Variants in EPHA6 observed in about 807,000 individuals in gnomAD.
EPHA6 encodes EPH receptor A6.
A neutral mutation model predicts 112.0 loss-of-function variants in EPHA6; 50 were observed. The ratio of observed to expected loss-of-function variants is 0.45; its 90% confidence interval spans 0.36 to 0.56. EPHA6 has a LOEUF of 0.56. EPHA6 is among the 20% of genes least tolerant of loss of function. EPHA6 has a pLI of 0.00. For missense variants in EPHA6, 1,280 were observed against 1,417.4 expected (o/e 0.90, Z 1.56); for synonymous variants, 529 against 490.7 (o/e 1.08, Z -1.03).
intron 3 of EPHA6, among the ~76,000 whole-genome samples, chr3:97,005,172 TG>T (rs1419511053): frequency 2.0e-5 from 3 of 152,228 alleles, no homozygotes; most frequent in African/African-American, 7.2e-5. Flanking sequence ...GGTAGTCTGA[TG>T]GGAATAGCAT....
intron 3 of EPHA6, among the ~76,000 whole-genome samples, chr3:97,018,172 G>C (rs569703984): frequency 1.7e-4 from 26 of 151,780 alleles, no homozygotes; most frequent in Non-Finnish European, 2.6e-4. Context: ...AAATTTACCT[G>C]ATAGAATTCT....
intron 2 of EPHA6, among the ~76,000 whole-genome samples, chr3:96,870,199 T>C (rs1287816683): frequency 6.6e-6 from 1 of 151,996 alleles, no homozygotes; most frequent in East Asian, 1.9e-4. Context: ...GCTCACATGA[T>C]TATGGAGGAC....
chr3:97,651,923 A>G (rs1360086236), intron 14 of EPHA6, among the ~76,000 whole-genome samples: 1 of 151,952 alleles, frequency 6.6e-6, no homozygotes, highest in Non-Finnish European at 1.5e-5. Flanking sequence ...CACTAGTGTC[A>G]CTAAAGTTTG....
At chr3:97,685,770 C>A (rs552939375) in intron 14 of EPHA6, among the ~76,000 whole-genome samples, 1 of 152,082 alleles carries the variant, frequency 6.6e-6, no homozygotes, top group Non-Finnish European at 1.5e-5. Flanking sequence ...TTGTAAACGG[C>A]GAACGATGAT....
At chr3:97,179,176 T>C (rs2076916605) in intron 3 of EPHA6, among the ~76,000 whole-genome samples, 1 of 152,070 alleles carries the variant, frequency 6.6e-6, no homozygotes, top group South Asian at 2.1e-4. Flanking sequence ...AACACATTCT[T>C]CAGTATACCA....
chr3:97,125,809 C>T (rs979618334), intron 3 of EPHA6, among the ~76,000 whole-genome samples: 3 of 152,162 alleles, frequency 2.0e-5, no homozygotes, highest in African/African-American at 7.2e-5. Flanking sequence ...CTTAAACACA[C>T]ACAACACTCC....
At chr3:97,488,052 C>T (rs2091742110) in intron 10 of EPHA6, among the ~76,000 whole-genome samples, 1 of 152,188 alleles carries the variant, frequency 6.6e-6, no homozygotes, top group South Asian at 2.1e-4. Flanking sequence ...ATAAGAACAA[C>T]TTGCCTGGCA....
At chr3:97,303,105 G>C (rs2081163691) in intron 5 of EPHA6, among the ~76,000 whole-genome samples, 1 of 151,810 alleles carries the variant, frequency 6.6e-6, no homozygotes, top group Admixed American at 6.6e-5. Flanking sequence ...ATTTTAAAAA[G>C]TGTTAGACAA....
chr3:97,113,658 T>C (rs1559736564), intron 3 of EPHA6, among the ~76,000 whole-genome samples: 1 of 152,108 alleles, frequency 6.6e-6, no homozygotes, highest in African/African-American at 2.4e-5. Context: ...AAAAAAAGTC[T>C]TTCTTGCCTT....
rs147144791 is a variant in EPHA6, at chr3:97,634,989, G to A, written c.2575-2884G>A. Among the ~76,000 whole-genome samples, 289 of 151,180 alleles carry A rather than the reference G, an allele frequency of 1.9e-3. 2 individuals carry two copies. The highest frequency in any genetic ancestry group is 6.5e-3 in the African/African-American group (269 of 41,188). ...GAGTGCCTGTGTCAGAGAAGAATAT[G>A]AGAATACTAGTATAGCTTGGTTTGG... On this transcript the variant is annotated intron_variant, in intron 13 of 17. Coordinates refer to ENST00000389672, the MANE Select transcript of EPHA6 (RefSeq NM_001080448.3).
intron 14 of EPHA6, among the ~76,000 whole-genome samples, chr3:97,674,591 G>T (rs956021914): frequency 6.6e-6 from 1 of 152,150 alleles, no homozygotes; most frequent in African/African-American, 2.4e-5. Flanking sequence ...GAGGAATCAG[G>T]ACAATTCAAT....
chr3:97,323,767 C>T (rs973242708), intron 5 of EPHA6, among the ~76,000 whole-genome samples: 3 of 151,618 alleles, frequency 2.0e-5, no homozygotes, highest in African/African-American at 4.9e-5. Flanking sequence ...CCCACAATAG[C>T]GCCACAGGGA....
chr3:97,301,563 G>A (rs1416412052), intron 5 of EPHA6, among the ~76,000 whole-genome samples: 1 of 152,088 alleles, frequency 6.6e-6, no homozygotes, highest in African/African-American at 2.4e-5. Flanking sequence ...TGTTCAAACA[G>A]CTTATAAGTA....
At chr3:97,554,588 C>T (rs538080766) in intron 11 of EPHA6, among the ~76,000 whole-genome samples, 3 of 152,152 alleles carry the variant, frequency 2.0e-5, no homozygotes, top group Admixed American at 6.6e-5. Context: ...CAGGTTCCTT[C>T]TATGTCATTT....
chr3:97,087,980 G>A (rs947123237), intron 3 of EPHA6, among the ~76,000 whole-genome samples: 5 of 151,944 alleles, frequency 3.3e-5, no homozygotes, highest in Admixed American at 6.6e-5. Context: ...TCAAGAGATC[G>A]AGACCATCTG....
At chr3:97,293,810 T>A (rs1047375432) in intron 5 of EPHA6, among the ~76,000 whole-genome samples, 3 of 152,172 alleles carry the variant, frequency 2.0e-5, no homozygotes, top group African/African-American at 7.2e-5. Context: ...CCTGCTGTCA[T>A]CAACATGTCC....
At chr3:96,928,007 A>G (rs1452318039) in intron 2 of EPHA6, among the ~76,000 whole-genome samples, 3 of 152,188 alleles carry the variant, frequency 2.0e-5, no homozygotes, top group Non-Finnish European at 2.9e-5. Flanking sequence ...AGGAGGAACT[A>G]TGAAACTTTT....
intron 11 of EPHA6, among the ~76,000 whole-genome samples, chr3:97,587,886 C>T (rs994114246): frequency 5.3e-5 from 8 of 151,982 alleles, no homozygotes; most frequent in African/African-American, 1.7e-4. Context: ...AAAGCTTTGC[C>T]CTGATTGTTC....
chr3:97,146,383 A>G (rs2076043394), intron 3 of EPHA6, among the ~76,000 whole-genome samples: 1 of 151,868 alleles, frequency 6.6e-6, no homozygotes, highest in South Asian at 2.1e-4. Flanking sequence ...TAGTTCTATT[A>G]TTTCCAATAC....
Sources: allele counts gnomAD v4.1 joint callset (sites outside exome capture counted in the v4.1 genomes callset), GRCh38; gene constraint gnomAD v4.1.1; transcripts MANE v1.5; gene names NCBI Gene and HGNC (gene_info 2026-07-23, HGNC 2026-07-21).